The following THSD7B variants were observed in gnomAD, a reference collection of about 807,000 sequenced individuals.
THSD7B encodes thrombospondin type 1 domain containing 7B.
In THSD7B, 138 loss-of-function variants were observed where a neutral mutation model predicts 213.6. The ratio of observed to expected loss-of-function variants is 0.65; its 90% confidence interval spans 0.56 to 0.74. The LOEUF (loss-of-function observed/expected upper bound fraction) is 0.74, where lower values mean the gene tolerates loss of function less well. THSD7B is among the 30% of genes least tolerant of loss of function. The pLI is 0.00. For missense variants in THSD7B, 1,931 were observed against 1,991.5 expected, an observed-to-expected ratio of 0.97 and a Z score of 0.58; for synonymous variants, 742 against 687.0, an observed-to-expected ratio of 1.08 and a Z score of -1.25.
intron 5 of THSD7B, among the ~76,000 whole-genome samples, chr2:137,127,927 C>T (rs895034737): frequency 2.0e-5 from 3 of 149,056 alleles, no homozygotes; most frequent in East Asian, 4.1e-4. Flanking sequence ...CAAAACAAAA[C>T]GAAACAAAAT....
intron 1 of THSD7B, among the ~76,000 whole-genome samples, chr2:136,799,468 C>T (rs1252882664): frequency 1.3e-5 from 2 of 151,994 alleles, no homozygotes. Flanking sequence ...ACCATCAAAT[C>T]CACTAACCTG....
At chr2:136,877,826 C>T (rs1416574753) in intron 1 of THSD7B, among the ~76,000 whole-genome samples, 1 of 151,874 alleles carries the variant, frequency 6.6e-6, no homozygotes, top group Non-Finnish European at 1.5e-5. Context: ...ATGTCTTTTC[C>T]TGGGGGGAAA....
chr2:136,810,416 A>G (rs1009417574), intron 1 of THSD7B, among the ~76,000 whole-genome samples: 3 of 152,236 alleles, frequency 2.0e-5, no homozygotes, highest in African/African-American at 7.2e-5. Flanking sequence ...AAAGAGAGTC[A>G]TAGCTCTCTA....
At position 137,676,712 on chromosome 2, in the gene THSD7B, G is replaced by A. The variant is rs918618285; in HGVS notation, c.*107G>A. 4 of 962,992 alleles carry A rather than the reference G, an allele frequency of 4.2e-6. No homozygotes were observed. The African/African-American group carries it at 5.1e-5, about 12-fold the overall frequency. 59.7% of individuals were successfully genotyped at this position (962,992 alleles called of 1,614,324 possible). On this transcript the variant is annotated 3_prime_UTR_variant, in exon 28 of 28. Coordinates refer to ENST00000409968, the MANE Select transcript of THSD7B (RefSeq NM_001316349.2). ...AGGAATCTCAAGATGTGATATATTGGGCAGAATACAAATATTGCAAAAGTA... is the reference window on the plus strand; with the variant it reads ...AGGAATCTCAAGATGTGATATATTGAGCAGAATACAAATATTGCAAAAGTA...
chr2:137,565,119 G>A (rs2105226223), intron 16 of THSD7B, among the ~76,000 whole-genome samples: 1 of 152,116 alleles, frequency 6.6e-6, no homozygotes, highest in South Asian at 2.1e-4. Flanking sequence ...GGCCTCAGGA[G>A]AAAAAAGAAA....
chr2:137,561,705 C>T (rs1681123530), intron 15 of THSD7B, among the ~76,000 whole-genome samples: 1 of 152,070 alleles, frequency 6.6e-6, no homozygotes, highest in Admixed American at 6.6e-5. Context: ...TTTCTTACAT[C>T]TACTATCCTA....
rs57138045 is a variant in THSD7B, at chr2:136,998,909, G to GACACACACACACACACACAC, written c.140-57480_140-57461dup. Among the ~76,000 whole-genome samples, 10 of 129,982 alleles carry GACACACACACACACACACAC rather than the reference G, an allele frequency of 7.7e-5. No homozygotes were observed. The East Asian group carries it at 9.7e-4, about 13-fold the overall frequency. The allele number at this position is 129,982 out of a possible 152,430, so 85.3% of individuals were successfully genotyped here. On this transcript the variant is annotated intron_variant, in intron 2 of 27. Coordinates refer to ENST00000409968, the MANE Select transcript of THSD7B (RefSeq NM_001316349.2). ...TTTCATGCTCCTTGAATACCCAACA[G>GACACACACACACACACACAC]ACACACACACACACACACACACACA...
At chr2:137,497,797 C>T (rs1322953121) in intron 15 of THSD7B, among the ~76,000 whole-genome samples, 2 of 152,192 alleles carry the variant, frequency 1.3e-5, no homozygotes, top group Non-Finnish European at 1.5e-5. Flanking sequence ...GGTTTCTTAA[C>T]TCCTTCATTG....
intron 2 of THSD7B, among the ~76,000 whole-genome samples, chr2:136,955,986 G>A (rs981540620): frequency 5.5e-5 from 8 of 145,422 alleles, no homozygotes; most frequent in South Asian, 2.2e-4. Flanking sequence ...CCGAGATTGC[G>A]CCACTGCACT....
chr2:137,245,994 C>T (rs1682023378), intron 10 of THSD7B, among the ~76,000 whole-genome samples: 1 of 152,036 alleles, frequency 6.6e-6, no homozygotes, highest in Non-Finnish European at 1.5e-5. Context: ...GGGTATAAAG[C>T]TCTATGCGGG....
At chr2:137,465,014 G>A (rs1235854734) in intron 15 of THSD7B, among the ~76,000 whole-genome samples, 1 of 152,012 alleles carries the variant, frequency 6.6e-6, no homozygotes, top group Non-Finnish European at 1.5e-5. Context: ...GAGCAAATCT[G>A]GGTGTAGAGC....
chr2:137,157,971 T>C (rs1352038429), intron 5 of THSD7B, among the ~76,000 whole-genome samples: 2 of 152,322 alleles, frequency 1.3e-5, no homozygotes, highest in African/African-American at 4.8e-5. Context: ...TAAGACCAGA[T>C]TGAAATACAC....
chr2:137,546,455 T>TTATATATATTATATA (rs1205451610), intron 15 of THSD7B, among the ~76,000 whole-genome samples: 1 of 19,708 alleles, frequency 5.1e-5, no homozygotes, highest in Non-Finnish European at 7.7e-5. Flanking sequence ...TATATATATA[T>TTATATATATTATATA]TATATATAAT....
At chr2:136,862,964 A>G (rs577422705) in intron 1 of THSD7B, among the ~76,000 whole-genome samples, 1 of 152,308 alleles carries the variant, frequency 6.6e-6, no homozygotes, top group South Asian at 2.1e-4. Flanking sequence ...ATCCTTTACC[A>G]TGGGGACTCA....
intron 14 of THSD7B, among the ~76,000 whole-genome samples, chr2:137,430,553 T>C (rs528534425): frequency 6.6e-6 from 1 of 152,330 alleles, no homozygotes; most frequent in African/African-American, 2.4e-5. Context: ...ATCTCCTGCC[T>C]GAGGGTGGAA....
At chr2:137,031,651 A>G (rs1686669787) in intron 2 of THSD7B, among the ~76,000 whole-genome samples, 1 of 151,550 alleles carries the variant, frequency 6.6e-6, no homozygotes, top group Non-Finnish European at 1.5e-5. Flanking sequence ...CAATAGCAAA[A>G]TATATTCAAA....
intron 12 of THSD7B, among the ~76,000 whole-genome samples, chr2:137,284,275 T>A (rs1683112892): frequency 1.3e-5 from 2 of 152,150 alleles, no homozygotes; most frequent in African/African-American, 4.8e-5. Context: ...TTGCATCTAT[T>A]TGATTCTTCT....
At chr2:137,544,394 A>G (rs2105195884) in intron 15 of THSD7B, among the ~76,000 whole-genome samples, 1 of 151,992 alleles carries the variant, frequency 6.6e-6, no homozygotes, top group East Asian at 1.9e-4. Context: ...CAGAATAGGC[A>G]AATTCATAGA....
chr2:137,224,251 A>G (rs1161052681), intron 7 of THSD7B, among the ~76,000 whole-genome samples: 1 of 152,162 alleles, frequency 6.6e-6, no homozygotes, highest in East Asian at 1.9e-4. Flanking sequence ...TCATACTTAC[A>G]TTTCACTGAC....
Sources: allele counts gnomAD v4.1 joint callset (sites outside exome capture counted in the v4.1 genomes callset), GRCh38; gene constraint gnomAD v4.1.1; transcripts MANE v1.5; gene names NCBI Gene and HGNC (gene_info 2026-07-23, HGNC 2026-07-21).